Variants in LMNA observed in about 807,000 individuals in gnomAD.
LMNA encodes the protein lamin.
A neutral mutation model predicts 70.4 loss-of-function variants in LMNA; 20 were observed. That is an observed-to-expected ratio of 0.28 (90% CI 0.20 to 0.41). The LOEUF (loss-of-function observed/expected upper bound fraction) is 0.41. LMNA is among the 10% of genes least tolerant of loss of function. The probability of loss-of-function intolerance (pLI) is 1.00; values close to 1 mark genes in which losing one functional copy is unlikely to be tolerated. For missense variants in LMNA, 652 were observed against 917.2 expected, an observed-to-expected ratio of 0.71 and a Z score of 3.73; for synonymous variants, 339 against 372.8, an observed-to-expected ratio of 0.91 and a Z score of 1.04.
At chr1:156,118,828 A>G (rs1650007210) in intron 1 of LMNA, among the ~76,000 whole-genome samples, 1 of 152,208 alleles carries the variant, frequency 6.6e-6, no homozygotes, top group Non-Finnish European at 1.5e-5. Context: ...AGTTGTTTTT[A>G]AGACCCTGTA....
In LMNA at chr1:156,138,209, C is replaced by G. The variant is rs1237245255; in HGVS notation, c.1699-279C>G. ...CCCTACAAGCTTGCTCCCGTTCTCT[C>G]TTCTTTTCCTCTTAAGCTCAGAGTA... On this transcript the variant is annotated intron_variant, in intron 10 of 11. Coordinates refer to ENST00000368300, the MANE Select transcript of LMNA (RefSeq NM_170707.4). This position sits in a 1 kb window ranked among gnomAD's most constrained non-coding sequence, Gnocchi z 5.5. 5 of 577,618 alleles carry G rather than the reference C, an allele frequency of 8.7e-6. No individual in the cohort carries two copies. Among genetic ancestry groups the G allele is most frequent in the African/African-American group, 5.6e-5 (3 of 53,514 alleles). The allele number at this position is 577,618 out of a possible 1,614,324, so 35.8% of individuals were successfully genotyped here.
chr1:156,116,961 T>C (rs1558117417), intron 1 of LMNA, among the ~76,000 whole-genome samples: 1 of 151,722 alleles, frequency 6.6e-6, no homozygotes, highest in Non-Finnish European at 1.5e-5. Context: ...TCACCCAGAC[T>C]GGAGTGAAGT....
Position 156,139,340 on chromosome 1 carries a change from T to A in LMNA, c.*234T>A, listed in dbSNP as rs955175659. On this transcript the variant is annotated 3_prime_UTR_variant, in exon 12 of 12. Transcript: ENST00000368300. ...AAAGCATCTATCTCATCTATCTCAA[T>A]CCTAATTTCTCCTCCCTTCCTTTTC... 3.8e-5 allele frequency: 53 copies of A among 1,397,286 alleles called. No homozygotes were observed. The highest frequency in any genetic ancestry group is 5.4e-4 in the Middle Eastern group (2 of 3,736). The allele number at this position is 1,397,286 out of a possible 1,614,324, so 86.6% of individuals were successfully genotyped here. A position where few individuals can be genotyped will look rare whatever the true frequency, so the allele number is the denominator to read the frequency against.
intron 2 of LMNA, among the ~76,000 whole-genome samples, chr1:156,088,314 GTTTTC>G (rs1306883664): frequency 5.3e-5 from 8 of 151,864 alleles, no homozygotes; most frequent in Non-Finnish European, 1.2e-4. Context: ...TAATTTTTTT[GTTTTC>G]TTTTTTTTAA....
Position 156,115,124 on chromosome 1 carries a change from T to G in LMNA, c.206T>G (p.Val69Gly). The G allele has an allele frequency of 6.2e-7, 1 of 1,605,666 alleles. No homozygotes were observed. Among genetic ancestry groups the G allele is most frequent in the South Asian group, 1.1e-5 (1 of 89,736 alleles). ...CTTCGCATCACCGAGTCTGAAGAGG[T>G]GGTCAGCCGCGAGGTGTCCGGCATC... The part of the protein sequence containing the change: ...LRLRITESEE[V>G]VSREVSGIKA... The change falls in exon 1 of 12, where the codon GTG (valine) becomes GGG (glycine). Residue 69 changes from valine (V) to glycine (G), a missense_variant. Transcript: ENST00000368300. The surrounding 1 kb of genome is among the most constrained non-coding windows in gnomAD (Gnocchi z 5.8).
rs28928902 is a variant in LMNA at position 156,136,951 on chromosome 1, C to T, written c.1411C>T (p.Arg471Cys). Residue 471 changes from arginine (R) to cysteine (C), a missense_variant, in exon 8 of 12, where the codon CGC (arginine) becomes TGC (cysteine). Coordinates refer to ENST00000368300, the MANE Select transcript of LMNA (RefSeq NM_170707.4). This position sits in a 1 kb window ranked among gnomAD's most constrained non-coding sequence, Gnocchi z 6.1. ...GTCCATGGGCAATTGGCAGATCAAG[C>T]GCCAGAATGGAGATGATCCCTTGCT... is the stretch of plus-strand genomic sequence containing the variant. ...DQSMGNWQIK[R>C]QNGDDPLLTY... 4.3e-6 allele frequency: 7 copies of T among 1,613,962 alleles called. No individual in the cohort carries two copies. The highest frequency in any genetic ancestry group is 1.3e-5 in the African/African-American group (1 of 74,902).
chr1:156,095,474 G>T (rs1464060513), intron 3 of LMNA, among the ~76,000 whole-genome samples: 1 of 150,908 alleles, frequency 6.6e-6, no homozygotes, highest in East Asian at 2.0e-4. Context: ...GAGTAGCTAG[G>T]ATTACAGGCA....
upstream of LMNA, chr1:156,114,628 T>A (rs2102815747): frequency 4.3e-5 from 9 of 210,488 alleles, no homozygotes; most frequent in East Asian, 1.5e-4. Context: ...CCAATGGATC[T>A]GGGACTGCCC....
intron 2 of LMNA, among the ~76,000 whole-genome samples, chr1:156,088,405 G>A (rs949405887): frequency 6.6e-6 from 1 of 151,956 alleles, no homozygotes; most frequent in East Asian, 1.9e-4. Context: ...AATTCTGTAG[G>A]CCACACAAAA....
Position 156,135,867 on chromosome 1 carries a change from TG to T in LMNA, c.937-31del. 6.3e-7 allele frequency: 1 copy of T among 1,594,022 alleles called. No individual in the cohort carries two copies. On this transcript the variant is annotated intron_variant, in intron 5 of 11. Coordinates refer to ENST00000368300, the MANE Select transcript of LMNA (RefSeq NM_170707.4). This position sits in a 1 kb window ranked among gnomAD's most constrained non-coding sequence, Gnocchi z 4.8. ...CCTCCTTCCCCATACTTAGGGCCCTTGGGAGCTCACCAAACCCTCCCACCCC... is the reference window on the plus strand; with the variant it reads ...CCTCCTTCCCCATACTTAGGGCCCTTGGAGCTCACCAAACCCTCCCACCCC...
chr1:156,101,636 AAGGGAGGGAGGG>A (rs369909996), intron 3 of LMNA, among the ~76,000 whole-genome samples: 1,033 of 101,950 alleles, frequency 0.01, 11 homozygotes, highest in Middle Eastern at 0.021. Flanking sequence ...GGAAGGAAGG[AAGGGAGGGAGGG>A]AGGGAGGGAG....
intron 3 of LMNA, among the ~76,000 whole-genome samples, chr1:156,095,038 C>G (rs1262232363): frequency 6.6e-6 from 1 of 151,856 alleles, no homozygotes; most frequent in Admixed American, 6.6e-5. Context: ...TCTCCTGCCT[C>G]AGCCTCCCAA....
chr1:156,138,478 C>T lies in LMNA; in HGVS notation c.1699-10C>T. 1.2e-6 allele frequency: 2 copies of T among 1,611,406 alleles called. No individual in the cohort carries two copies. Among genetic ancestry groups the T allele is most frequent in the Non-Finnish European group, 1.7e-6 (2 of 1,179,534 alleles). On this transcript the variant is annotated splice_polypyrimidine_tract_variant and intron_variant, in intron 10 of 11. Coordinates refer to ENST00000368300, the MANE Select transcript of LMNA (RefSeq NM_170707.4). The surrounding 1 kb of genome is among the most constrained non-coding windows in gnomAD (Gnocchi z 5.5). ...TCGCCGTCCCGCCTGAGCCTTGTCTCCCTTCCCAGGGCTCCCACTGCAGCA... is the reference window on the plus strand; with the variant it reads ...TCGCCGTCCCGCCTGAGCCTTGTCTTCCTTCCCAGGGCTCCCACTGCAGCA...
At position 156,136,143 on chromosome 1, in the gene LMNA, G is replaced by A. The variant is rs1327614687; in HGVS notation, c.1157+22G>A. On this transcript the variant is annotated intron_variant, in intron 6 of 11. Coordinates refer to ENST00000368300, the MANE Select transcript of LMNA (RefSeq NM_170707.4). This position sits in a 1 kb window ranked among gnomAD's most constrained non-coding sequence, Gnocchi z 6.1. ...AGAGGTGGGCTGGGGAGACGTCGGG[G>A]AGGTGCTGGCAGTGTCCTCTGGCCG... 5.0e-6 allele frequency: 8 copies of A among 1,613,742 alleles called. No homozygotes were observed. In the East Asian group the frequency reaches 8.9e-5, roughly 18 times the overall value.
chr1:156,117,780 C>T (rs959258295), intron 1 of LMNA, among the ~76,000 whole-genome samples: 1 of 152,016 alleles, frequency 6.6e-6, no homozygotes, highest in Admixed American at 6.6e-5. Context: ...TGAAAGAGAC[C>T]ACACCTGTCC....
intron 3 of LMNA, among the ~76,000 whole-genome samples, chr1:156,094,432 G>A (rs1039749226): frequency 6.6e-6 from 1 of 151,994 alleles, no homozygotes; most frequent in Non-Finnish European, 1.5e-5. Flanking sequence ...TCTGCCTCCC[G>A]GGTTCAAGTG....
intron 3 of LMNA, among the ~76,000 whole-genome samples, chr1:156,092,656 G>A (rs1172208170): frequency 1.3e-5 from 2 of 148,290 alleles, no homozygotes; most frequent in Admixed American, 6.8e-5. Context: ...TCCGGCTCTA[G>A]ACAACAGAGC....
Position 156,137,357 on chromosome 1 carries a change from C to T in LMNA, c.1608+125C>T. On this transcript the variant is annotated intron_variant, in intron 9 of 11. Transcript: ENST00000368300. The surrounding 1 kb of genome is among the most constrained non-coding windows in gnomAD (Gnocchi z 4.6). The stretch of plus-strand genomic sequence containing the variant: ...CCTTTCTAGAGCTCTCTGTTGCAGG[C>T]TCCAGACTTCTCCACCCAGTAGGCA... 8.1e-7 allele frequency: 1 copy of T among 1,239,572 alleles called. No individual in the cohort carries two copies. The highest frequency in any genetic ancestry group is 2.0e-5 in the Admixed American group (1 of 50,218). The allele number at this position is 1,239,572 out of a possible 1,614,324, so 76.8% of individuals were successfully genotyped here.
intron 3 of LMNA, among the ~76,000 whole-genome samples, chr1:156,101,226 G>A (rs750606647): frequency 6.6e-6 from 1 of 152,146 alleles, no homozygotes; most frequent in Non-Finnish European, 1.5e-5. Context: ...GGCACCTCAC[G>A]CCTATAATCC....
Sources: allele counts gnomAD v4.1 joint callset (sites outside exome capture counted in the v4.1 genomes callset), GRCh38; gene constraint gnomAD v4.1.1; non-coding constraint Gnocchi (gnomAD v3.1); transcripts MANE v1.5; gene names NCBI Gene and HGNC (gene_info 2026-07-23, HGNC 2026-07-21).